Variants in LUZP2 observed in about 807,000 individuals in gnomAD.
LUZP2 encodes the protein leucine zipper protein 2.
In LUZP2, 52 loss-of-function variants were observed where a neutral mutation model predicts 51.6. The observed-to-expected ratio is 1.01, with a 90% CI of 0.81 to 1.27. The LOEUF (loss-of-function observed/expected upper bound fraction) is 1.27. Among genes scored for constraint, LUZP2 ranks in the 50% most tolerant of loss-of-function variants. LUZP2 has a pLI of 0.00. For missense variants in LUZP2, 436 were observed against 395.4 expected (o/e 1.10, Z -0.87); for synonymous variants, 154 against 137.3 (o/e 1.12, Z -0.85).
intron 1 of LUZP2, among the ~76,000 whole-genome samples, chr11:24,639,547 G>A (rs1187714542): frequency 6.6e-6 from 1 of 151,746 alleles, no homozygotes; most frequent in African/African-American, 2.4e-5. Flanking sequence ...CGCCTCCTGG[G>A]TTCAAGCAAT....
intron 1 of LUZP2, among the ~76,000 whole-genome samples, chr11:24,641,433 A>C (rs1209423973): frequency 6.6e-6 from 1 of 151,844 alleles, no homozygotes; most frequent in Non-Finnish European, 1.5e-5. Context: ...GAACAATTTG[A>C]CTTTTAAAAT....
chr11:24,865,247 C>A (rs1305625838), intron 5 of LUZP2, among the ~76,000 whole-genome samples: 1 of 152,194 alleles, frequency 6.6e-6, no homozygotes, highest in Middle Eastern at 3.2e-3. Context: ...ATGTTTCATG[C>A]TTAGCATAAT....
chr11:24,640,957 GTATAGA>G (rs72192382), intron 1 of LUZP2, among the ~76,000 whole-genome samples: 56,207 of 144,626 alleles, frequency 0.39, 12,024 homozygotes, highest in Admixed American at 0.46. Context: ...ATCTATATCT[GTATAGA>G]TATAGATATA....
intron 1 of LUZP2, among the ~76,000 whole-genome samples, chr11:24,586,041 C>A (rs951430391): frequency 6.6e-6 from 1 of 152,046 alleles, no homozygotes; most frequent in African/African-American, 2.4e-5. Context: ...CTCAATCCAA[C>A]AGTATTAGCT....
intron 1 of LUZP2, among the ~76,000 whole-genome samples, chr11:24,500,682 A>G (rs1564954680): frequency 6.6e-6 from 1 of 152,122 alleles, no homozygotes; most frequent in Non-Finnish European, 1.5e-5. Flanking sequence ...TAACTTTTAA[A>G]TGACTTAATA....
intron 5 of LUZP2, among the ~76,000 whole-genome samples, chr11:24,896,744 G>A (rs1853074842): frequency 6.6e-6 from 1 of 152,216 alleles, no homozygotes; most frequent in East Asian, 1.9e-4. Flanking sequence ...TCCACTAGGG[G>A]AAGCCAGCTG....
intron 1 of LUZP2, among the ~76,000 whole-genome samples, chr11:24,589,149 A>T (rs969570700): frequency 2.0e-5 from 3 of 152,134 alleles, no homozygotes; most frequent in South Asian, 2.1e-4. Context: ...CTTTCTGGGA[A>T]TGTTCTCTAG....
At chr11:25,041,893 A>T (rs182094549) in intron 9 of LUZP2, among the ~76,000 whole-genome samples, 49 of 152,296 alleles carry the variant, frequency 3.2e-4, no homozygotes, top group African/African-American at 9.4e-4. Context: ...AGATTCTCAT[A>T]GGAGGGGAAC....
chr11:24,719,122 G>T (rs1286393136), intron 1 of LUZP2, among the ~76,000 whole-genome samples: 6 of 152,188 alleles, frequency 3.9e-5, no homozygotes, highest in Non-Finnish European at 8.8e-5. Flanking sequence ...ATTTTGAACT[G>T]TAAGTTGATC....
At chr11:25,044,730 A>G (rs1013992044) in intron 9 of LUZP2, among the ~76,000 whole-genome samples, 3 of 151,916 alleles carry the variant, frequency 2.0e-5, no homozygotes, top group African/African-American at 7.3e-5. Flanking sequence ...AAGGATTATA[A>G]AACATGCTGC....
rs74542424 is a variant in LUZP2, at chr11:24,807,054, G to A, written c.396+43746G>A. Among the ~76,000 whole-genome samples, 665 of 140,954 alleles carry A rather than the reference G, an allele frequency of 4.7e-3. 22 individuals carry two copies. In the East Asian group the frequency reaches 0.1, roughly 22 times the overall value. 92.5% of individuals were successfully genotyped at this position (140,954 alleles called of 152,430 possible). ...AAAAAAAAAAAAAAAGGAGAGATACGGTCTAGATACTTTAGACCATGGCAC... is the reference window on the plus strand; with the variant it reads ...AAAAAAAAAAAAAAAGGAGAGATACAGTCTAGATACTTTAGACCATGGCAC... On this transcript the variant is annotated intron_variant, in intron 5 of 11. Transcript: ENST00000336930.
chr11:24,890,990 G>A (rs1352682196), intron 5 of LUZP2: 4 of 968,998 alleles, frequency 4.1e-6, no homozygotes, highest in Non-Finnish European at 4.9e-6. Flanking sequence ...CATCTCTTCA[G>A]TTACACTGCT....
At chr11:24,703,865 CA>C (rs68058102) in intron 1 of LUZP2, among the ~76,000 whole-genome samples, 3 of 150,486 alleles carry the variant, frequency 2.0e-5, no homozygotes, top group Non-Finnish European at 4.4e-5. Context: ...AAAAAACGAA[CA>C]AAAAAAAACA....
At chr11:24,535,940 A>C (rs1383913901) in intron 1 of LUZP2, among the ~76,000 whole-genome samples, 1 of 151,644 alleles carries the variant, frequency 6.6e-6, no homozygotes, top group Non-Finnish European at 1.5e-5. Flanking sequence ...AGTCAAAATT[A>C]CTCCTTGATC....
chr11:24,819,645 T>TTA (rs1218483658), intron 5 of LUZP2, among the ~76,000 whole-genome samples: 1 of 152,136 alleles, frequency 6.6e-6, no homozygotes, highest in Non-Finnish European at 1.5e-5. Flanking sequence ...CATAAAACAT[T>TTA]TATGGTACAT....
chr11:24,782,108 A>T (rs1375834453), intron 5 of LUZP2, among the ~76,000 whole-genome samples: 1 of 152,102 alleles, frequency 6.6e-6, no homozygotes, highest in African/African-American at 2.4e-5. Flanking sequence ...ATTCAGAATC[A>T]GGTGTGACTT....
chr11:24,648,409 T>C (rs892854790), intron 1 of LUZP2, among the ~76,000 whole-genome samples: 1 of 151,994 alleles, frequency 6.6e-6, no homozygotes, highest in Middle Eastern at 3.2e-3. Flanking sequence ...ATTTAGGGAA[T>C]TTGTTGCAAA....
intron 5 of LUZP2, among the ~76,000 whole-genome samples, chr11:24,827,595 G>C (rs1190514870): frequency 6.6e-6 from 1 of 152,054 alleles, no homozygotes; most frequent in Admixed American, 6.6e-5. Context: ...AAGAATTATA[G>C]CAGGACAATA....
chr11:24,664,400 G>C (rs1442688616), intron 1 of LUZP2, among the ~76,000 whole-genome samples: 1 of 152,126 alleles, frequency 6.6e-6, no homozygotes, highest in African/African-American at 2.4e-5. Context: ...CTGACAATGA[G>C]ATAAAGAACA....
Sources: allele counts gnomAD v4.1 joint callset (sites outside exome capture counted in the v4.1 genomes callset), GRCh38; gene constraint gnomAD v4.1.1; transcripts MANE v1.5; gene names NCBI Gene and HGNC (gene_info 2026-07-23, HGNC 2026-07-21).